Variants in ATG10 observed in about 807,000 individuals in gnomAD.
ATG10 encodes autophagy related 10.
In ATG10, 30 loss-of-function variants were observed where a neutral mutation model predicts 32.1. That is an observed-to-expected ratio of 0.94 (90% CI 0.70 to 1.27). The LOEUF (loss-of-function observed/expected upper bound fraction) is 1.27, where lower values mean the gene tolerates loss of function less well. Ranked by LOEUF, ATG10 falls within the 50% of genes most tolerant of loss-of-function variation. ATG10 has a pLI of 0.00. For synonymous variants in ATG10, 87 were observed against 91.5 expected, an observed-to-expected ratio of 0.95 and a Z score of 0.28; for missense variants, 233 against 262.3, an observed-to-expected ratio of 0.89 and a Z score of 0.77.
rs150544658 is a variant in ATG10, at chr5:82,132,545, G to A, written c.217-31854G>A. Among the ~76,000 whole-genome samples, 44 of 152,016 alleles carry A rather than the reference G, an allele frequency of 2.9e-4. No individual in the cohort carries two copies. In the East Asian group the frequency reaches 8.6e-3, roughly 30 times the overall value. ...TTGTGTTAATTTGGTGAGAATGATG[G>A]TTTCCAGCTTCATCCATGTCCCTGC... is the stretch of plus-strand genomic sequence containing the variant. On this transcript the variant is annotated intron_variant, in intron 3 of 7. Coordinates refer to ENST00000282185, the MANE Select transcript of ATG10 (RefSeq NM_031482.5).
chr5:82,025,425 T>G (rs1455247537), intron 2 of ATG10, among the ~76,000 whole-genome samples: 1 of 152,178 alleles, frequency 6.6e-6, no homozygotes, highest in African/African-American at 2.4e-5. Context: ...GAAATGTCCT[T>G]CAGTATAGCA....
intron 2 of ATG10, among the ~76,000 whole-genome samples, chr5:82,035,272 T>A (rs1762881920): frequency 6.6e-6 from 1 of 152,184 alleles, no homozygotes; most frequent in South Asian, 2.1e-4. Context: ...TGTTTGTTGT[T>A]TATCTTCTTC....
In ATG10 at chr5:82,063,076, C is replaced by T. The variant is rs560986163; in HGVS notation, c.216+4474C>T. ...GCTCACACCTGTAATCCCAGTGCTT[C>T]GTTATGCCAAGAGGGGAGGATTGCT... On this transcript the variant is annotated intron_variant, in intron 3 of 7. Coordinates refer to ENST00000282185, the MANE Select transcript of ATG10 (RefSeq NM_031482.5). Among the ~76,000 whole-genome samples, 91 of 152,136 alleles carry T rather than the reference C, an allele frequency of 6.0e-4. 1 individual carries two copies. In the South Asian group the frequency reaches 0.015, roughly 25 times the overall value.
At position 82,244,428 on chromosome 5, in the gene ATG10, A is replaced by C. The variant is rs1235752844; in HGVS notation, c.454-8134A>C. 2.0e-5 allele frequency among the ~76,000 whole-genome samples: 3 copies of C among 152,118 alleles called. No homozygotes were observed. The East Asian group carries it at 5.8e-4, about 29-fold the overall frequency. On this transcript the variant is annotated intron_variant, in intron 5 of 7. Coordinates refer to ENST00000282185, the MANE Select transcript of ATG10 (RefSeq NM_031482.5). ...TAAGCCTGTTCTTTTAAGTGGCAAT[A>C]ATAAAGCCTGTCTCAAAGAGTTACT...
chr5:81,984,175 G>A (rs1000064345), intron 1 of ATG10, among the ~76,000 whole-genome samples: 92 of 152,390 alleles, frequency 6.0e-4, no homozygotes, highest in Admixed American at 5.9e-3. Context: ...CTGCAATCCC[G>A]GCACCTCGGG....
In ATG10 at chr5:82,254,757, T is replaced by G. The variant is rs1747398230; in HGVS notation, c.*694T>G. On this transcript the variant is annotated 3_prime_UTR_variant, in exon 8 of 8. Coordinates refer to ENST00000282185, the MANE Select transcript of ATG10 (RefSeq NM_031482.5). ...TGTGTTCATTTTAATGTAAGATATA[T>G]AAAAATTAAATTACTGGATTTACCT... is the stretch of plus-strand genomic sequence containing the variant. The G allele has an allele frequency of 6.6e-6, 1 of 152,082 alleles. No homozygotes were observed. Among genetic ancestry groups the G allele is most frequent in the Non-Finnish European group, 1.5e-5 (1 of 68,018 alleles). The allele number at this position is 152,082 out of a possible 1,614,324, so 9.4% of individuals were successfully genotyped here.
chr5:82,118,009 G>A (rs1765875756), intron 3 of ATG10, among the ~76,000 whole-genome samples: 1 of 151,954 alleles, frequency 6.6e-6, no homozygotes, highest in East Asian at 1.9e-4. Context: ...TTGAAGAAAC[G>A]AGATGCTGAA....
At chr5:82,106,320 C>T (rs1765442181) in intron 3 of ATG10, among the ~76,000 whole-genome samples, 2 of 152,100 alleles carry the variant, frequency 1.3e-5, no homozygotes, top group Non-Finnish European at 2.9e-5. Context: ...TTAAAGTGGA[C>T]CTTTCTAGTT....
At chr5:82,161,315 A>T (rs1188472406) in intron 3 of ATG10, among the ~76,000 whole-genome samples, 4 of 152,104 alleles carry the variant, frequency 2.6e-5, no homozygotes, top group African/African-American at 9.7e-5. Context: ...CACAACCCAC[A>T]AAGGCACTCA....
At chr5:82,152,245 A>AC (rs1196183594) in intron 3 of ATG10, among the ~76,000 whole-genome samples, 1 of 152,218 alleles carries the variant, frequency 6.6e-6, no homozygotes, top group African/African-American at 2.4e-5. Flanking sequence ...AAAGGAAATT[A>AC]CCTCTGGCTC....
intron 3 of ATG10, among the ~76,000 whole-genome samples, chr5:82,122,832 G>A (rs1766096176): frequency 1.3e-5 from 2 of 151,984 alleles, no homozygotes; most frequent in African/African-American, 2.4e-5. Flanking sequence ...CCATACAGAC[G>A]GCTGTTATTA....
Position 82,164,546 on chromosome 5 carries a change from A to T in ATG10, c.355+9A>T, listed in dbSNP as rs1341435167. On this transcript the variant is annotated intron_variant, in intron 4 of 7. Transcript: ENST00000282185. ...TAGGGCAAGCTTTTTAGGTAAGAAC[A>T]TGTCTGAAGCTAAAAGTAAATTTAT... 1 of 1,595,392 alleles carries T rather than the reference A, an allele frequency of 6.3e-7. No homozygotes were observed. The highest frequency in any genetic ancestry group is 2.2e-5 in the East Asian group (1 of 44,776).
chr5:82,127,785 T>C (rs1325285691), intron 3 of ATG10, among the ~76,000 whole-genome samples: 1 of 152,124 alleles, frequency 6.6e-6, no homozygotes, highest in Non-Finnish European at 1.5e-5. Context: ...GTTCTGTAGG[T>C]GTCTATTAGG....
intron 5 of ATG10, among the ~76,000 whole-genome samples, chr5:82,206,731 A>T (rs1745316146): frequency 6.6e-6 from 1 of 152,076 alleles, no homozygotes; most frequent in Non-Finnish European, 1.5e-5. Flanking sequence ...CAATGATTCC[A>T]TCTGTGTAGC....
At chr5:81,987,765 A>G (rs965079262) in intron 2 of ATG10, 87 bp downstream of exon 2, 2 of 937,254 alleles carry the variant, frequency 2.1e-6, no homozygotes, top group African/African-American at 3.3e-5. Flanking sequence ...AAACCTCCAT[A>G]ATTGAAATTA....
chr5:82,100,685 T>C (rs188690269), intron 3 of ATG10, among the ~76,000 whole-genome samples: 29 of 151,998 alleles, frequency 1.9e-4, no homozygotes, highest in South Asian at 4.2e-4. Context: ...TCTATACTTA[T>C]GTTAAAGAGA....
At chr5:82,210,316 C>T (rs1257629290) in intron 5 of ATG10, among the ~76,000 whole-genome samples, 1 of 152,176 alleles carries the variant, frequency 6.6e-6, no homozygotes, top group African/African-American at 2.4e-5. Context: ...AGGCAGCTAG[C>T]TTAGGGGCAC....
At chr5:82,094,935 C>G (rs563061387) in intron 3 of ATG10, among the ~76,000 whole-genome samples, 10 of 151,996 alleles carry the variant, frequency 6.6e-5, no homozygotes, top group African/African-American at 2.4e-4. Context: ...TACAAACACA[C>G]GAACACATGC....
intron 4 of ATG10, among the ~76,000 whole-genome samples, chr5:82,170,535 G>T (rs1743763547): frequency 6.6e-6 from 1 of 151,952 alleles, no homozygotes; most frequent in Non-Finnish European, 1.5e-5. Flanking sequence ...GAGTAATATA[G>T]TAGTAATAGG....
Sources: allele counts gnomAD v4.1 joint callset (sites outside exome capture counted in the v4.1 genomes callset), GRCh38; gene constraint gnomAD v4.1.1; transcripts MANE v1.5; gene names NCBI Gene and HGNC (gene_info 2026-07-23, HGNC 2026-07-21).